HS3ST4: variants seen among roughly 807,000 people sequenced by gnomAD.
The protein encoded by HS3ST4 is heparan sulfate-glucosamine 3-sulfotransferase 4.
Under a neutral mutation model 29.2 loss-of-function variants are expected in HS3ST4, and 17 were observed. The observed-to-expected ratio is 0.58, with a 90% CI of 0.40 to 0.87. HS3ST4 has a LOEUF of 0.87. Among genes scored for constraint, HS3ST4 ranks in the 40% least tolerant of loss-of-function variants. The probability of loss-of-function intolerance (pLI) is 0.00; values close to 1 mark genes in which losing one functional copy is unlikely to be tolerated. For missense variants in HS3ST4, 627 were observed against 634.5 expected (o/e 0.99, Z 0.13); for synonymous variants, 314 against 285.7 (o/e 1.10, Z -1.00).
At chr16:25,887,079 A>T (rs538822971) in intron 1 of HS3ST4, among the ~76,000 whole-genome samples, 2 of 152,034 alleles carry the variant, frequency 1.3e-5, no homozygotes, top group South Asian at 2.1e-4. Flanking sequence ...GGAGAGAGGG[A>T]TGTGTAAGGA....
At chr16:25,785,710 G>A (rs959272799) in intron 1 of HS3ST4, among the ~76,000 whole-genome samples, 2 of 152,138 alleles carry the variant, frequency 1.3e-5, no homozygotes, top group Non-Finnish European at 2.9e-5. Flanking sequence ...TGAGCAGAAG[G>A]AACACCATGA....
intron 1 of HS3ST4, among the ~76,000 whole-genome samples, chr16:25,820,479 G>C (rs111226606): frequency 0.018 from 2,791 of 152,120 alleles, 92 homozygotes; most frequent in African/African-American, 0.064. Flanking sequence ...CTGTAGCCTC[G>C]ACCTCTTGGG....
At chr16:25,717,019 A>T (rs746893987) in intron 1 of HS3ST4, among the ~76,000 whole-genome samples, 1 of 151,884 alleles carries the variant, frequency 6.6e-6, no homozygotes, top group Non-Finnish European at 1.5e-5. Context: ...GGGCCATTGC[A>T]CTCCAGCCTG....
At chr16:26,010,339 A>G (rs1489746789) in intron 1 of HS3ST4, among the ~76,000 whole-genome samples, 1 of 152,122 alleles carries the variant, frequency 6.6e-6, no homozygotes, top group Non-Finnish European at 1.5e-5. Flanking sequence ...CTGTAATCCC[A>G]GCTCCTGGGG....
intron 1 of HS3ST4, among the ~76,000 whole-genome samples, chr16:25,755,130 C>T (rs1344984367): frequency 2.0e-5 from 3 of 151,962 alleles, no homozygotes; most frequent in Admixed American, 2.0e-4. Context: ...CCCTCCACCC[C>T]TCCACCCACA....
At chr16:26,112,191 A>G (rs768833735) in intron 1 of HS3ST4, among the ~76,000 whole-genome samples, 34 of 151,778 alleles carry the variant, frequency 2.2e-4, no homozygotes, top group Non-Finnish European at 4.4e-4. Context: ...ATCAATTTCA[A>G]CTTTTACCCT....
At chr16:25,770,968 T>C (rs1966841163) in intron 1 of HS3ST4, among the ~76,000 whole-genome samples, 1 of 151,906 alleles carries the variant, frequency 6.6e-6, no homozygotes, top group African/African-American at 2.4e-5. Flanking sequence ...TCACTTATTA[T>C]GGTCCAACAG....
At chr16:25,807,971 A>G (rs1005935563) in intron 1 of HS3ST4, among the ~76,000 whole-genome samples, 2 of 151,860 alleles carry the variant, frequency 1.3e-5, no homozygotes, top group South Asian at 2.1e-4. Context: ...TATATTTTCT[A>G]TTTGGATTGT....
chr16:25,823,652 C>T (rs12923033), intron 1 of HS3ST4, among the ~76,000 whole-genome samples: 4,263 of 152,248 alleles, frequency 0.028, 88 homozygotes, highest in Middle Eastern at 0.099. Context: ...CCTCCACCTC[C>T]CAGGTTCAAG....
intron 1 of HS3ST4, among the ~76,000 whole-genome samples, chr16:25,942,036 G>C (rs147073187): frequency 5.5e-4 from 83 of 152,268 alleles, no homozygotes; most frequent in Non-Finnish European, 9.4e-4. Flanking sequence ...TGGACCATAG[G>C]ATAGAATTAG....
At position 26,006,335 on chromosome 16, in the gene HS3ST4, G is replaced by A. The variant is rs60938483; in HGVS notation, c.735-129277G>A. ...AAAAAAAAAAAAAAAAGAGGCTCAA[G>A]TACAGTTTTGTTTGGTGTTTGCAGA... On this transcript the variant is annotated intron_variant, in intron 1 of 1. Coordinates refer to ENST00000331351, the MANE Select transcript of HS3ST4 (RefSeq NM_006040.3). Among the ~76,000 whole-genome samples, 546 of 140,102 alleles carry A rather than the reference G, an allele frequency of 3.9e-3. 7 individuals are homozygous for A. Among genetic ancestry groups the A allele is most frequent in the African/African-American group, 0.014 (515 of 37,940 alleles). 91.9% of individuals were successfully genotyped at this position (140,102 alleles called of 152,430 possible).
chr16:25,922,721 T>A (rs939672262), intron 1 of HS3ST4, among the ~76,000 whole-genome samples: 18 of 152,254 alleles, frequency 1.2e-4, no homozygotes, highest in Non-Finnish European at 2.1e-4. Context: ...GACAGCAACA[T>A]TAGAATTACT....
At chr16:25,976,017 G>A (rs1045395231) in intron 1 of HS3ST4, among the ~76,000 whole-genome samples, 2 of 152,040 alleles carry the variant, frequency 1.3e-5, no homozygotes, top group African/African-American at 4.8e-5. Context: ...TGTTATTTTA[G>A]GAAGGAAATA....
At chr16:25,894,865 A>G (rs1319712777) in intron 1 of HS3ST4, among the ~76,000 whole-genome samples, 1 of 152,028 alleles carries the variant, frequency 6.6e-6, no homozygotes, top group Non-Finnish European at 1.5e-5. Context: ...ATCATTCCAT[A>G]TTTACCTCCA....
At chr16:26,010,346 G>C (rs1266182975) in intron 1 of HS3ST4, among the ~76,000 whole-genome samples, 3 of 151,964 alleles carry the variant, frequency 2.0e-5, no homozygotes, top group Non-Finnish European at 4.4e-5. Context: ...CCCAGCTCCT[G>C]GGGAGGCTGA....
chr16:25,902,220 A>G (rs1307723312), intron 1 of HS3ST4, among the ~76,000 whole-genome samples: 1 of 152,156 alleles, frequency 6.6e-6, no homozygotes, highest in Non-Finnish European at 1.5e-5. Flanking sequence ...TGGCTTTTGT[A>G]TTCAAAAGAT....
intron 1 of HS3ST4, among the ~76,000 whole-genome samples, chr16:25,838,629 G>T (rs983888377): frequency 3.9e-5 from 6 of 152,024 alleles, no homozygotes; most frequent in Non-Finnish European, 7.4e-5. Context: ...TATTTCTCAC[G>T]CTCTGTCTTT....
At chr16:26,127,446 CA>C (rs1278241360) in intron 1 of HS3ST4, among the ~76,000 whole-genome samples, 1 of 152,186 alleles carries the variant, frequency 6.6e-6, no homozygotes, top group Admixed American at 6.5e-5. Flanking sequence ...GATCCTTACT[CA>C]AAACAAAACA....
intron 1 of HS3ST4, among the ~76,000 whole-genome samples, chr16:25,828,973 G>A (rs887643858): frequency 6.6e-6 from 1 of 152,186 alleles, no homozygotes; most frequent in Non-Finnish European, 1.5e-5. Context: ...CTTCAAGGCA[G>A]CTTGGGTTGA....
Sources: gnomAD v4.1 joint callset for allele counts (sites outside exome capture counted in the v4.1 genomes callset) on GRCh38, gnomAD v4.1.1 for gene constraint, MANE v1.5 for transcripts, NCBI Gene and HGNC (gene_info 2026-07-23, HGNC 2026-07-21) for gene names.